The following TTLL9 variants were observed in gnomAD, a reference collection of about 807,000 sequenced individuals.
TTLL9 encodes the protein tubulin tyrosine ligase like 9.
A neutral mutation model predicts 65.6 loss-of-function variants in TTLL9; 47 were observed. The ratio of observed to expected loss-of-function variants is 0.72; its 90% CI spans 0.57 to 0.91. The LOEUF (loss-of-function observed/expected upper bound fraction) is 0.91, where lower values mean the gene tolerates loss of function less well. TTLL9 is among the 40% of genes least tolerant of loss of function. TTLL9 has a pLI of 0.00. For synonymous variants in TTLL9, 179 were observed against 204.8 expected (o/e 0.87, Z 1.07); for missense variants, 537 against 568.8 (o/e 0.94, Z 0.57).
chr20:31,921,067 G>A (rs1416056354), intron 7 of TTLL9, among the ~76,000 whole-genome samples: 1 of 152,220 alleles, frequency 6.6e-6, no homozygotes, highest in African/African-American at 2.4e-5. Context: ...ACTTTCTAGA[G>A]GGATGAAAAT....
chr20:31,929,165 G>C (rs549712475), intron 10 of TTLL9, among the ~76,000 whole-genome samples: 32 of 152,178 alleles, frequency 2.1e-4, no homozygotes, highest in Admixed American at 7.2e-4. Context: ...CAAGGTGCTG[G>C]GATTACAGGC....
chr20:31,902,896 C>T (rs1039903596), intron 4 of TTLL9, among the ~76,000 whole-genome samples: 1 of 152,148 alleles, frequency 6.6e-6, no homozygotes, highest in Admixed American at 6.5e-5. Context: ...AAGGGTCTCT[C>T]TCTGTCACCT....
rs1208481358 is a variant in TTLL9, at chr20:31,871,122, G to A, written c.-5G>A. The A allele has an allele frequency of 1.2e-6, 2 of 1,613,834 alleles. No homozygotes were observed. The highest frequency in any genetic ancestry group is 1.7e-5 in the Admixed American group (1 of 59,994). ...TCCTTCCATCCATTTCGGCCCCTAG[G>A]AGGGATGGTGCCATCCAGGGAAGCT... On this transcript the variant is annotated splice_region_variant and 5_prime_UTR_variant, in exon 2 of 15. Coordinates refer to ENST00000535842, the MANE Select transcript of TTLL9 (RefSeq NM_001008409.5).
At chr20:31,905,523 G>A (rs988872902) in intron 4 of TTLL9, among the ~76,000 whole-genome samples, 7 of 152,112 alleles carry the variant, frequency 4.6e-5, no homozygotes, top group East Asian at 1.9e-4. Context: ...TTTGGAAACC[G>A]TAGATTTCTG....
intron 10 of TTLL9, among the ~76,000 whole-genome samples, chr20:31,928,085 T>C (rs114986414): frequency 0.011 from 1,686 of 151,862 alleles, 25 homozygotes; most frequent in African/African-American, 0.038. Flanking sequence ...ATAATACATG[T>C]AAAGCAGTTA....
intron 2 of TTLL9, among the ~76,000 whole-genome samples, chr20:31,875,299 A>T (rs1005571728): frequency 1.3e-5 from 2 of 152,226 alleles, no homozygotes; most frequent in African/African-American, 4.8e-5. Flanking sequence ...CCTAGTAGAA[A>T]GACTGGAACA....
chr20:31,934,655 T>C, intron 11 of TTLL9, 37 bp from the exon 12 acceptor site: 1 of 1,574,238 alleles, frequency 6.4e-7, no homozygotes, highest in African/African-American at 1.3e-5. Flanking sequence ...CCTGACTAAC[T>C]GAGGCTCCTC....
chr20:31,939,116 A>T, intron 13 of TTLL9, 26 bp from the exon 14 acceptor site: 1 of 1,548,190 alleles, frequency 6.5e-7, no homozygotes, highest in South Asian at 1.2e-5. Flanking sequence ...ACCTTCATTA[A>T]CCCTGTGGGC....
Position 31,924,990 on chromosome 20 carries a change from T to G in TTLL9, c.665-19T>G, listed in dbSNP as rs1568820113. 6.2e-7 allele frequency: 1 copy of G among 1,613,848 alleles called. No homozygotes were observed. Among genetic ancestry groups the G allele is most frequent in the Non-Finnish European group, 8.5e-7 (1 of 1,179,822 alleles). Reference sequence around the variant, plus strand: ...GATCAATATTTGTTGCACAAATTAATTTTTTCCTTGCCTGACAGGCCGCAA... The same window carrying G: ...GATCAATATTTGTTGCACAAATTAAGTTTTTCCTTGCCTGACAGGCCGCAA... On this transcript the variant is annotated intron_variant, in intron 8 of 14. Transcript: ENST00000535842.
rs955772891 is a variant in TTLL9 at position 31,903,347 on chromosome 20, G to A, written c.206+4782G>A. Among the ~76,000 whole-genome samples the A allele has an allele frequency of 3.9e-5, 6 of 151,984 alleles. No homozygotes were observed. The South Asian group carries it at 6.2e-4, about 16-fold the overall frequency. ...TAAATTTAGTTGTCTCTTTATATTC[G>A]AGTTATAAGAATTTTATCTTATAAG... On this transcript the variant is annotated intron_variant, in intron 4 of 14. Transcript: ENST00000535842.
intron 3 of TTLL9, among the ~76,000 whole-genome samples, chr20:31,891,904 G>A (rs2063312831): frequency 6.6e-6 from 1 of 152,090 alleles, no homozygotes; most frequent in Non-Finnish European, 1.5e-5. Flanking sequence ...TGGGGTTCAA[G>A]CAATTCTCCT....
intron 13 of TTLL9, among the ~76,000 whole-genome samples, chr20:31,938,798 A>C (rs2064158870): frequency 6.6e-6 from 1 of 152,172 alleles, no homozygotes; most frequent in Non-Finnish European, 1.5e-5. Context: ...GAATCACTTG[A>C]ACCAGGAGGC....
At chr20:31,918,464 TG>T (rs2063770379) in intron 6 of TTLL9, among the ~76,000 whole-genome samples, 1 of 152,058 alleles carries the variant, frequency 6.6e-6, no homozygotes, top group African/African-American at 2.4e-5. Flanking sequence ...CCTGATCTCC[TG>T]GGCTAAAGTC....
chr20:31,940,338 A>ATACTC (rs1193999450), intron 14 of TTLL9: 28 of 152,324 alleles, frequency 1.8e-4, no homozygotes, highest in African/African-American at 6.5e-4. Flanking sequence ...TAAGCTGTCC[A>ATACTC]TACTCTTTAT....
chr20:31,876,338 G>A (rs1433371555), intron 2 of TTLL9, among the ~76,000 whole-genome samples: 6 of 152,134 alleles, frequency 3.9e-5, no homozygotes, highest in African/African-American at 1.2e-4. Flanking sequence ...CTAGCTACTC[G>A]GGAGGCTGAG....
chr20:31,933,536 G>A (rs1267776881), intron 10 of TTLL9, among the ~76,000 whole-genome samples: 1 of 152,162 alleles, frequency 6.6e-6, no homozygotes, highest in Admixed American at 6.5e-5. Context: ...GAAAAATCCT[G>A]TGAGGTCAAT....
intron 6 of TTLL9, among the ~76,000 whole-genome samples, chr20:31,918,221 T>C (rs984614894): frequency 2.6e-5 from 4 of 152,004 alleles, no homozygotes; most frequent in Non-Finnish European, 1.5e-5. Context: ...AGAAGAGAAG[T>C]GATTTCCTTG....
intron 12 of TTLL9, among the ~76,000 whole-genome samples, chr20:31,936,093 G>C (rs1165946410): frequency 6.6e-6 from 1 of 152,120 alleles, no homozygotes; most frequent in African/African-American, 2.4e-5. Flanking sequence ...AAGGGGCTTG[G>C]TCTCCCACAG....
At chr20:31,927,248 A>G (rs1363750948) in intron 10 of TTLL9, among the ~76,000 whole-genome samples, 2 of 151,932 alleles carry the variant, frequency 1.3e-5, no homozygotes, top group Non-Finnish European at 2.9e-5. Flanking sequence ...TTGGGAGGCC[A>G]AGGCAGGTGG....
Sources: allele counts gnomAD v4.1 joint callset (sites outside exome capture counted in the v4.1 genomes callset), GRCh38; gene constraint gnomAD v4.1.1; transcripts MANE v1.5; gene names NCBI Gene and HGNC (gene_info 2026-07-23, HGNC 2026-07-21).